Variants in XPO6 observed in about 807,000 individuals in gnomAD.
XPO6 encodes exportin 6, also known as exportin-6.
In XPO6, 3 loss-of-function variants were observed where a neutral mutation model predicts 130.0. That is an observed-to-expected ratio of 0.02 (90% CI 0.01 to 0.06). The LOEUF (loss-of-function observed/expected upper bound fraction) is 0.06. Ranked by LOEUF, XPO6 falls within the 10% of genes least tolerant of loss-of-function variation. The pLI, the probability that XPO6 is intolerant of heterozygous loss-of-function variation, is 1.00. For synonymous variants in XPO6, 524 were observed against 548.9 expected (o/e 0.95, Z 0.63); for missense variants, 970 against 1,393.0 (o/e 0.70, Z 4.83).
In XPO6 at chr16:28,186,374, C is replaced by CTTTTTTTTTTTTTTTTTTTT. The variant is rs60754642; in HGVS notation, c.4-5344_4-5343insAAAAAAAAAAAAAAAAAAAA. Among the ~76,000 whole-genome samples the CTTTTTTTTTTTTTTTTTTTT allele has an allele frequency of 6.4e-3, 524 of 81,396 alleles. 112 individuals are homozygous for CTTTTTTTTTTTTTTTTTTTT. Among genetic ancestry groups the CTTTTTTTTTTTTTTTTTTTT allele is most frequent in the Middle Eastern group, 0.012 (1 of 84 alleles). 53.4% of individuals were successfully genotyped at this position (81,396 alleles called of 152,430 possible). On this transcript the variant is annotated intron_variant, in intron 1 of 23. Coordinates refer to ENST00000304658, the MANE Select transcript of XPO6 (RefSeq NM_015171.4). ...TATAGATTTTTCTGCCCCAGTTATTCTTTTTTTTTTTTTTTTTGCTAAAGA... is the reference window on the plus strand; with the variant it reads ...TATAGATTTTTCTGCCCCAGTTATTCTTTTTTTTTTTTTTTTTTTTTTTTTTTTTTTTTTTTTGCTAAAGA...
chr16:28,147,054 T>C (rs1567621061), intron 8 of XPO6, among the ~76,000 whole-genome samples: 1 of 152,222 alleles, frequency 6.6e-6, no homozygotes, highest in Non-Finnish European at 1.5e-5. Context: ...TTGGTTTTGC[T>C]GGTGGCTGTC....
At chr16:28,180,682 C>T (rs1340046700) in intron 2 of XPO6, among the ~76,000 whole-genome samples, 1 of 152,136 alleles carries the variant, frequency 6.6e-6, no homozygotes, top group Non-Finnish European at 1.5e-5. Context: ...CCCTAGACGC[C>T]CCCACCAAAA....
chr16:28,195,273 C>T (rs949862664), intron 1 of XPO6, among the ~76,000 whole-genome samples: 1 of 152,028 alleles, frequency 6.6e-6, no homozygotes, highest in Non-Finnish European at 1.5e-5. Context: ...ATGTCAATGC[C>T]GTTTGTAAAA....
chr16:28,185,255 G>A (rs1016278698), intron 1 of XPO6, among the ~76,000 whole-genome samples: 21 of 152,260 alleles, frequency 1.4e-4, no homozygotes, highest in African/African-American at 4.3e-4. Flanking sequence ...AGCTACTTGG[G>A]GGGCTGAGGC....
chr16:28,206,430 T>C (rs1265978061), intron 1 of XPO6, among the ~76,000 whole-genome samples: 1 of 151,994 alleles, frequency 6.6e-6, no homozygotes, highest in Non-Finnish European at 1.5e-5. Flanking sequence ...GCCTGTAGTC[T>C]CAGCTACTGA....
In XPO6 at chr16:28,152,767, A is replaced by C. The variant is rs754658024; in HGVS notation, c.1116T>G (p.Thr372=). ...CACTCACAAAGAGCCGAAGAAAGTCAGTAAACTTCTCGATATAGCTAAATG... is the reference window on the plus strand; with the variant it reads ...CACTCACAAAGAGCCGAAGAAAGTCCGTAAACTTCTCGATATAGCTAAATG... ...ELDESYIEKF[T]DFLRLFVSVH... The change falls in exon 8 of 24, where the codon ACT becomes ACG. Residue 372 remains threonine (T), a synonymous_variant. Coordinates refer to ENST00000304658, the MANE Select transcript of XPO6 (RefSeq NM_015171.4). 1.2e-6 allele frequency: 2 copies of C among 1,613,194 alleles called. No individual in the cohort carries two copies. The highest frequency in any genetic ancestry group is 2.7e-5 in the African/African-American group (2 of 74,922).
intron 16 of XPO6, 82 bp from the exon 17 acceptor site, chr16:28,112,088 C>CGGGT: frequency 1.4e-6 from 2 of 1,461,276 alleles, no homozygotes; most frequent in Non-Finnish European, 1.8e-6. Flanking sequence ...CTTCAGCACC[C>CGGGT]GCTGGCTGCA....
At chr16:28,199,364 T>G (rs370400012) in intron 1 of XPO6, among the ~76,000 whole-genome samples, 22 of 152,114 alleles carry the variant, frequency 1.4e-4, no homozygotes, top group East Asian at 9.7e-4. Context: ...AACCTCCACC[T>G]CCCGGGTTCA....
At chr16:28,211,100 C>T (rs144521148) in intron 1 of XPO6, among the ~76,000 whole-genome samples, 69 of 152,316 alleles carry the variant, frequency 4.5e-4, no homozygotes, top group African/African-American at 1.6e-3. Flanking sequence ...TAGTTATTAT[C>T]CGGAGGAGCT....
intron 13 of XPO6, among the ~76,000 whole-genome samples, chr16:28,123,738 G>A (rs1345728413): frequency 2.0e-5 from 3 of 152,148 alleles, no homozygotes; most frequent in Non-Finnish European, 4.4e-5. Flanking sequence ...TGCACCTGGT[G>A]TTTAAATCCT....
intron 2 of XPO6, chr16:28,179,079 A>AAAG (rs1354776863): frequency 6.6e-6 from 1 of 151,412 alleles, no homozygotes; most frequent in Non-Finnish European, 1.5e-5. Context: ...AAAAAAAAAA[A>AAAG]TCCAAGCCTT....
In XPO6 at chr16:28,197,081, G is replaced by A. The variant is rs181974191; in HGVS notation, c.3+14285C>T. On this transcript the variant is annotated intron_variant, in intron 1 of 23. Transcript: ENST00000304658. The stretch of plus-strand genomic sequence containing the variant: ...AGCCTAGCCAAAATGGTGAAACCCC[G>A]TCTCTACTAAAAATACAAAAATTAG... Among the ~76,000 whole-genome samples the A allele has an allele frequency of 1.5e-3, 221 of 152,144 alleles. 2 individuals are homozygous for A. The highest frequency in any genetic ancestry group is 0.014 in the Middle Eastern group (4 of 294).
At chr16:28,199,213 G>A (rs934164459) in intron 1 of XPO6, among the ~76,000 whole-genome samples, 13 of 152,206 alleles carry the variant, frequency 8.5e-5, no homozygotes, top group African/African-American at 2.4e-4. Context: ...ACATGAGTCC[G>A]TGACACAGCC....
chr16:28,101,345 G>T lies in XPO6; in HGVS notation c.3276+113C>A. ...CTCGTGAGCTGCCGCCAAGCTGCAG[G>T]GTGGGCACAGACCACGCCCAGAGGC... On this transcript the variant is annotated intron_variant, in intron 23 of 23. Coordinates refer to ENST00000304658, the MANE Select transcript of XPO6 (RefSeq NM_015171.4). This position sits in a 1 kb window ranked among gnomAD's most constrained non-coding sequence, Gnocchi z 5.4. The T allele has an allele frequency of 1.1e-6, 1 of 900,504 alleles. No individual in the cohort carries two copies. Among genetic ancestry groups the T allele is most frequent in the African/African-American group, 1.6e-5 (1 of 60,764 alleles). The allele number at this position is 900,504 out of a possible 1,614,324, so 55.8% of individuals were successfully genotyped here. A position where few individuals can be genotyped will look rare whatever the true frequency, so the allele number is the denominator to read the frequency against.
intron 16 of XPO6, among the ~76,000 whole-genome samples, chr16:28,112,494 C>G (rs8059248): frequency 0.053 from 8,111 of 152,242 alleles, 541 homozygotes; most frequent in East Asian, 0.17. Flanking sequence ...AAACTTCTAG[C>G]TTGAGCCTCC....
chr16:28,144,672 C>T (rs2042952437), intron 9 of XPO6, among the ~76,000 whole-genome samples: 1 of 152,254 alleles, frequency 6.6e-6, no homozygotes, highest in South Asian at 2.1e-4. Flanking sequence ...CTCTCCTCTC[C>T]ACCTTCCTCC....
intron 9 of XPO6, among the ~76,000 whole-genome samples, chr16:28,144,287 T>A (rs2042945239): frequency 1.3e-5 from 2 of 152,146 alleles, no homozygotes; most frequent in Admixed American, 1.3e-4. Context: ...ACAAAAACCA[T>A]CTTTGGGAAC....
chr16:28,112,987 G>C lies in XPO6; in HGVS notation c.2068C>G (p.Pro690Ala). 5 of 1,614,168 alleles carry C rather than the reference G, an allele frequency of 3.1e-6. No homozygotes were observed. The highest frequency in any genetic ancestry group is 4.2e-6 in the Non-Finnish European group (5 of 1,180,024). ...LLVSLATTVR[P>A]VFLISIPAVQ... Reference sequence around the variant, plus strand: ...GCAGGGATGCTGATCAGAAAGACGGGCCGCACGGTGGTGGCCAGTGAGACC... The same window carrying C: ...GCAGGGATGCTGATCAGAAAGACGGCCCGCACGGTGGTGGCCAGTGAGACC... Residue 690 changes from proline to alanine, a missense_variant, in exon 16 of 24, where the codon CCC (proline) becomes GCC (alanine). Pro to Ala is a conservative substitution (Grantham distance 27). Transcript: ENST00000304658.
At position 28,101,896 on chromosome 16, in the gene XPO6, T is replaced by C; in HGVS notation, c.2996A>G (p.Asn999Ser). ...GTTGAGAGTCTCCAAGTAGAAGAGA[T>C]TTTGTTTAAAAAGGTGGATGTCGGG... is the stretch of plus-strand genomic sequence containing the variant. The part of the protein sequence containing the change: ...LQPDIHLFKQ[N>S]LFYLETLNTK... The change falls in exon 22 of 24, where the codon AAT (asparagine) becomes AGT (serine). Residue 999 changes from asparagine (N) to serine (S), a missense_variant. This residue lies in a region of XPO6 where 936 missense variants were observed against 1,306.8 expected (regional missense o/e 0.72). Coordinates refer to ENST00000304658, the MANE Select transcript of XPO6 (RefSeq NM_015171.4). The surrounding 1 kb of genome is among the most constrained non-coding windows in gnomAD (Gnocchi z 5.4). The C allele has an allele frequency of 6.2e-7, 1 of 1,614,072 alleles. No individual in the cohort carries two copies. Among genetic ancestry groups the C allele is most frequent in the Non-Finnish European group, 8.5e-7 (1 of 1,180,014 alleles).
Sources: allele counts gnomAD v4.1 joint callset (sites outside exome capture counted in the v4.1 genomes callset), GRCh38; gene constraint gnomAD v4.1.1; regional missense constraint gnomAD v4.1.1; non-coding constraint Gnocchi (gnomAD v3.1); transcripts MANE v1.5; gene names NCBI Gene and HGNC (gene_info 2026-07-23, HGNC 2026-07-21).